SPAG16: variants seen among roughly 807,000 people sequenced by gnomAD.
The protein encoded by SPAG16 is sperm-associated antigen 16 protein.
SPAG16 carries 86 observed loss-of-function variants against 80.4 expected under a neutral mutation model. The observed-to-expected ratio is 1.07, with a 90% CI of 0.90 to 1.28. The LOEUF (loss-of-function observed/expected upper bound fraction) is 1.28, where lower values mean the gene tolerates loss of function less well. Among genes scored for constraint, SPAG16 ranks in the 50% most tolerant of loss-of-function variants. The pLI, the probability that SPAG16 is intolerant of heterozygous loss-of-function variation, is 0.00. For missense variants in SPAG16, 870 were observed against 765.3 expected, an observed-to-expected ratio of 1.14 and a Z score of -1.61; for synonymous variants, 294 against 265.9, an observed-to-expected ratio of 1.11 and a Z score of -1.03.
intron 10 of SPAG16, among the ~76,000 whole-genome samples, chr2:213,839,943 A>G (rs934993911): frequency 6.6e-6 from 1 of 152,210 alleles, no homozygotes; most frequent in African/African-American, 2.4e-5. Context: ...AAGAAACATT[A>G]AAAAGGTAGG....
intron 4 of SPAG16, among the ~76,000 whole-genome samples, chr2:213,316,077 C>G (rs959343697): frequency 6.6e-6 from 1 of 151,834 alleles, no homozygotes; most frequent in Admixed American, 6.6e-5. Flanking sequence ...GACTTTTTTC[C>G]TGAACTCTGA....
At chr2:214,314,234 ATACT>A (rs1316457577) in intron 15 of SPAG16, among the ~76,000 whole-genome samples, 1 of 152,166 alleles carries the variant, frequency 6.6e-6, no homozygotes, top group Non-Finnish European at 1.5e-5. Context: ...CATTTTTCAC[ATACT>A]TAACATATTT....
At chr2:213,467,880 A>C (rs1277092195) in intron 9 of SPAG16, among the ~76,000 whole-genome samples, 1 of 152,202 alleles carries the variant, frequency 6.6e-6, no homozygotes, top group Non-Finnish European at 1.5e-5. Flanking sequence ...CCACATTTGT[A>C]GGAGTTATCA....
At chr2:213,580,876 C>G (rs1434476582) in intron 10 of SPAG16, among the ~76,000 whole-genome samples, 1 of 151,974 alleles carries the variant, frequency 6.6e-6, no homozygotes, top group South Asian at 2.1e-4. Context: ...GCACATGTAT[C>G]TCCCAGCCTA....
chr2:213,768,219 T>A (rs990782252), intron 10 of SPAG16, among the ~76,000 whole-genome samples: 1 of 152,090 alleles, frequency 6.6e-6, no homozygotes, highest in Non-Finnish European at 1.5e-5. Flanking sequence ...AAAGGACTGA[T>A]GAAAGCAGGA....
chr2:213,355,415 C>T (rs951033982), intron 7 of SPAG16, among the ~76,000 whole-genome samples: 7 of 152,040 alleles, frequency 4.6e-5, no homozygotes, highest in Non-Finnish European at 7.3e-5. Context: ...TCATTGGTAG[C>T]TTGATGGGGA....
Position 214,109,580 on chromosome 2 carries a change from T to G in SPAG16, c.1593+1319T>G, listed in dbSNP as rs191474308. ...ATTCTTTTAGAAAGAGGAAAAATGC[T>G]CACTAAAAATTATATCTACTAAGGG... On this transcript the variant is annotated intron_variant, in intron 14 of 15. Coordinates refer to ENST00000331683, the MANE Select transcript of SPAG16 (RefSeq NM_024532.5). Among the ~76,000 whole-genome samples the G allele has an allele frequency of 2.0e-3, 297 of 152,304 alleles. 5 individuals are homozygous for G. Among genetic ancestry groups the G allele is most frequent in the African/African-American group, 6.1e-3 (252 of 41,578 alleles).
At chr2:213,298,183 G>A (rs2062587065) in intron 3 of SPAG16, among the ~76,000 whole-genome samples, 1 of 152,080 alleles carries the variant, frequency 6.6e-6, no homozygotes, top group Non-Finnish European at 1.5e-5. Flanking sequence ...AAGCTCTAGA[G>A]GAAGATTTTT....
chr2:213,662,241 A>G (rs1251714362), intron 10 of SPAG16, among the ~76,000 whole-genome samples: 1 of 152,170 alleles, frequency 6.6e-6, no homozygotes, highest in African/African-American at 2.4e-5. Flanking sequence ...GATCTGAAGT[A>G]TGAGTAGCAG....
chr2:213,446,478 G>C (rs1219382201), intron 9 of SPAG16, among the ~76,000 whole-genome samples: 1 of 152,186 alleles, frequency 6.6e-6, no homozygotes, highest in African/African-American at 2.4e-5. Context: ...AGACAAAGCT[G>C]AGAAAGAATC....
intron 11 of SPAG16, among the ~76,000 whole-genome samples, chr2:213,885,019 G>T (rs1307890932): frequency 4.6e-5 from 7 of 152,096 alleles, no homozygotes; most frequent in Admixed American, 6.5e-5. Flanking sequence ...ATCATTGCTG[G>T]GGAGGAACTG....
chr2:214,158,900 T>A lies in SPAG16; in HGVS notation c.1720+9634T>A, dbSNP rs2056326064. Among the ~76,000 whole-genome samples, 3 of 151,974 alleles carry A rather than the reference T, an allele frequency of 2.0e-5. No homozygotes were observed. The South Asian group carries it at 6.2e-4, about 32-fold the overall frequency. On this transcript the variant is annotated intron_variant, in intron 15 of 15. Transcript: ENST00000331683. Reference sequence around the variant, plus strand: ...TTTAATCTAGCACATGCCCAAATAATGATGAATTCTAAATTAGTGTAATCA... The same window carrying A: ...TTTAATCTAGCACATGCCCAAATAAAGATGAATTCTAAATTAGTGTAATCA...
At chr2:213,787,654 T>C (rs1462518891) in intron 10 of SPAG16, among the ~76,000 whole-genome samples, 1 of 152,060 alleles carries the variant, frequency 6.6e-6, no homozygotes, top group Admixed American at 6.6e-5. Flanking sequence ...ATTTTTAAAT[T>C]ATATGAACAA....
At chr2:213,381,085 C>CA (rs1553642339) in intron 9 of SPAG16, among the ~76,000 whole-genome samples, 1 of 18,270 alleles carries the variant, frequency 5.5e-5, no homozygotes, top group African/African-American at 1.2e-4. Flanking sequence ...ACTGGGCTTA[C>CA]CGTAAAATAG....
At chr2:213,979,885 T>A (rs2106409729) in intron 12 of SPAG16, among the ~76,000 whole-genome samples, 1 of 152,222 alleles carries the variant, frequency 6.6e-6, no homozygotes, top group East Asian at 1.9e-4. Context: ...AAATTGTCTA[T>A]CTTTGCCAGT....
chr2:213,980,597 G>A (rs1449807934), intron 12 of SPAG16, among the ~76,000 whole-genome samples: 1 of 140,230 alleles, frequency 7.1e-6, no homozygotes, highest in Non-Finnish European at 1.5e-5. Context: ...TAGAATATAT[G>A]TATATATGGA....
chr2:214,352,665 T>C (rs1698503643), intron 15 of SPAG16, among the ~76,000 whole-genome samples: 1 of 151,700 alleles, frequency 6.6e-6, no homozygotes. Flanking sequence ...AAGTTTTTAC[T>C]TTTTGAGGCT....
intron 15 of SPAG16, among the ~76,000 whole-genome samples, chr2:214,208,877 G>A (rs2058216253): frequency 6.6e-6 from 1 of 152,066 alleles, no homozygotes; most frequent in Admixed American, 6.6e-5. Context: ...GGTTTGTGGT[G>A]GGGAAGAAAT....
At chr2:213,494,355 T>G (rs1179540882) in intron 10 of SPAG16, among the ~76,000 whole-genome samples, 1 of 152,176 alleles carries the variant, frequency 6.6e-6, no homozygotes, top group Non-Finnish European at 1.5e-5. Context: ...ACTTTGGTTT[T>G]CCCCCAAAAG....
Sources: gnomAD v4.1 joint callset for allele counts (sites outside exome capture counted in the v4.1 genomes callset) on GRCh38, gnomAD v4.1.1 for gene constraint, MANE v1.5 for transcripts, NCBI Gene and HGNC (gene_info 2026-07-23, HGNC 2026-07-21) for gene names.